Variants in PAPOLA observed in about 807,000 individuals in gnomAD.
PAPOLA encodes the protein poly(A) polymerase alpha.
Under a neutral mutation model 100.6 loss-of-function variants are expected in PAPOLA, and 15 were observed. That is an observed-to-expected ratio of 0.15 (90% confidence interval 0.10 to 0.23). The LOEUF (loss-of-function observed/expected upper bound fraction) is 0.23. Ranked by LOEUF, PAPOLA falls within the 10% of genes least tolerant of loss-of-function variation. PAPOLA has a pLI of 1.00. For missense variants in PAPOLA, 533 were observed against 884.2 expected (o/e 0.60, Z 5.04); for synonymous variants, 293 against 300.0 (o/e 0.98, Z 0.24).
chr14:96,537,611 TTAATGGTTTAAATA>T (rs1185277352), intron 12 of PAPOLA: 1 of 153,436 alleles, frequency 6.5e-6, no homozygotes, highest in African/African-American at 2.4e-5. Flanking sequence ...ATCATTTTAA[TTAATGGTTTAAATA>T]TAATGGTTTA....
intron 19 of PAPOLA, among the ~76,000 whole-genome samples, chr14:96,560,025 T>A (rs1421650595): frequency 6.6e-6 from 1 of 152,136 alleles, no homozygotes; most frequent in African/African-American, 2.4e-5. Context: ...CTGTATTAAA[T>A]CTCTTCTAAG....
intron 1 of PAPOLA, among the ~76,000 whole-genome samples, chr14:96,507,250 T>G (rs1395085504): frequency 6.6e-6 from 1 of 151,874 alleles, no homozygotes; most frequent in African/African-American, 2.4e-5. Context: ...AAGCATGCCA[T>G]TCTTACTAAA....
chr14:96,528,948 T>TATA (rs1389045990), intron 6 of PAPOLA, among the ~76,000 whole-genome samples: 1 of 152,178 alleles, frequency 6.6e-6, no homozygotes, highest in Non-Finnish European at 1.5e-5. Context: ...TAATATAAAG[T>TATA]ATAAGTTGAG....
chr14:96,559,523 C>T (rs1266939056), intron 19 of PAPOLA, among the ~76,000 whole-genome samples: 1 of 147,830 alleles, frequency 6.8e-6, no homozygotes. Flanking sequence ...AATGTTTGCT[C>T]TATTTCCTGG....
intron 19 of PAPOLA, among the ~76,000 whole-genome samples, chr14:96,559,016 AT>A (rs753986932): frequency 0.012 from 1,525 of 131,182 alleles, 13 homozygotes; most frequent in African/African-American, 0.022. Flanking sequence ...TTTCCCTGTA[AT>A]TTTTTTTTTT....
chr14:96,544,302 A>G (rs762629806), intron 15 of PAPOLA, 44 bp downstream of exon 15: 3 of 935,992 alleles, frequency 3.2e-6, no homozygotes, highest in Non-Finnish European at 5.2e-6. Context: ...GTTCTTGCAT[A>G]TTTCAAATTG....
rs1180380908 is a variant in PAPOLA at position 96,566,836 on chromosome 14, A to G, written c.*1786A>G. ...TTTAGTCTTGTCATTTTGTTTACAC[A>G]TTGGGGAAAACAATTCAGTTTATTA... On this transcript the variant is annotated 3_prime_UTR_variant, in exon 22 of 22. Coordinates refer to ENST00000216277, the MANE Select transcript of PAPOLA (RefSeq NM_032632.5). 6.6e-6 allele frequency: 1 copy of G among 152,592 alleles called. No homozygotes were observed. Among genetic ancestry groups the G allele is most frequent in the African/African-American group, 2.4e-5 (1 of 41,464 alleles). 9.5% of individuals were successfully genotyped at this position (152,592 alleles called of 1,614,324 possible).
chr14:96,534,271 G>C (rs1899327629), intron 9 of PAPOLA: 2 of 1,345,406 alleles, frequency 1.5e-6, no homozygotes, highest in African/African-American at 1.5e-5. Context: ...AACGTTTTTG[G>C]TTTCAGTCTG....
In PAPOLA at chr14:96,535,792, CAT is replaced by C. The variant is rs928989203; in HGVS notation, c.910-86_910-85del. 1.2e-4 allele frequency: 132 copies of C among 1,128,652 alleles called. No individual in the cohort carries two copies. The East Asian group carries it at 3.5e-3, about 30-fold the overall frequency. The allele number at this position is 1,128,652 out of a possible 1,614,324, so 69.9% of individuals were successfully genotyped here. On this transcript the variant is annotated intron_variant, in intron 10 of 21. Coordinates refer to ENST00000216277, the MANE Select transcript of PAPOLA (RefSeq NM_032632.5). ...CTATGAATGAAATAAAAAATAGAATCATTGGTTCAGTTTAACAAGGGGTAAAA... is the reference window on the plus strand; with the variant it reads ...CTATGAATGAAATAAAAAATAGAATCTGGTTCAGTTTAACAAGGGGTAAAA...
intron 21 of PAPOLA, among the ~76,000 whole-genome samples, chr14:96,564,417 C>T (rs970220228): frequency 6.6e-4 from 101 of 151,926 alleles, no homozygotes; most frequent in African/African-American, 2.2e-3. Flanking sequence ...TGTTAAAGAA[C>T]GCTTGTGATT....
chr14:96,509,650 A>C (rs1310418527), intron 1 of PAPOLA, among the ~76,000 whole-genome samples: 1 of 152,216 alleles, frequency 6.6e-6, no homozygotes, highest in Non-Finnish European at 1.5e-5. Flanking sequence ...CACCAATGAT[A>C]TGGCCTGTTG....
chr14:96,566,934 A>G lies in PAPOLA; in HGVS notation c.*1884A>G, dbSNP rs1388691966. On this transcript the variant is annotated 3_prime_UTR_variant, in exon 22 of 22. Transcript: ENST00000216277. ...ACCTTTTCTGTGTAGTGACTTTTTAATTATAGTTTTCATAACCTGGAGATC... is the reference window on the plus strand; with the variant it reads ...ACCTTTTCTGTGTAGTGACTTTTTAGTTATAGTTTTCATAACCTGGAGATC... 1.3e-5 allele frequency: 2 copies of G among 152,530 alleles called. No homozygotes were observed. The highest frequency in any genetic ancestry group is 4.1e-4 in the South Asian group (2 of 4,832). 9.4% of individuals were successfully genotyped at this position (152,530 alleles called of 1,614,324 possible). A position where few individuals can be genotyped will look rare whatever the true frequency, so the allele number is the denominator to read the frequency against.
chr14:96,522,108 C>CTTTTTTTTTTTTTT, intron 3 of PAPOLA, among the ~76,000 whole-genome samples: 2 of 98,336 alleles, frequency 2.0e-5, no homozygotes, highest in South Asian at 8.0e-4. Context: ...TAGCCTCTTT[C>CTTTTTTTTTTTTTT]TTTCTTTCTT....
intron 9 of PAPOLA, chr14:96,533,700 G>A (rs996500874): frequency 6.3e-6 from 2 of 317,972 alleles, no homozygotes; most frequent in Non-Finnish European, 4.5e-6. Flanking sequence ...GACTACAAGC[G>A]CCTGCCACCA....
chr14:96,544,071 T>C (rs907771327), intron 14 of PAPOLA, 78 bp from the exon 15 acceptor site: 6 of 783,858 alleles, frequency 7.7e-6, no homozygotes, highest in Non-Finnish European at 1.3e-5. Context: ...AGTTTTTCCA[T>C]GTCTCTGATT....
rs2140337762 is a variant in PAPOLA at position 96,560,706 on chromosome 14, G to A, written c.2062G>A (p.Ala688Thr). Residue 688 changes from alanine to threonine, a missense_variant, in exon 20 of 22, where the codon GCA becomes ACA. Ala to Thr is a moderately conservative substitution (Grantham distance 58). Transcript: ENST00000216277. ...LALSGHDKTEAKEQLDTETST... is the reference protein window; with the variant it reads ...LALSGHDKTETKEQLDTETST... ...TTTGAGTGGACATGATAAAACAGAA[G>A]CAAAGGTATACTAATTTAGCCTTTA... is the stretch of plus-strand genomic sequence containing the variant. 1 of 1,580,652 alleles carries A rather than the reference G, an allele frequency of 6.3e-7. No individual in the cohort carries two copies. Among genetic ancestry groups the A allele is most frequent in the Non-Finnish European group, 8.7e-7 (1 of 1,150,790 alleles).
At chr14:96,509,927 C>G (rs546996855) in intron 1 of PAPOLA, among the ~76,000 whole-genome samples, 2 of 148,168 alleles carry the variant, frequency 1.3e-5, no homozygotes, top group Non-Finnish European at 3.0e-5. Context: ...GCCACTTAGA[C>G]GCCGCTTTGT....
intron 1 of PAPOLA, among the ~76,000 whole-genome samples, chr14:96,506,145 C>T (rs569063236): frequency 1.3e-5 from 2 of 152,106 alleles, no homozygotes; most frequent in Non-Finnish European, 2.9e-5. Flanking sequence ...CTCGTGATCC[C>T]CCCCCACCTC....
intron 19 of PAPOLA, among the ~76,000 whole-genome samples, chr14:96,557,424 A>G (rs896460934): frequency 1.3e-5 from 2 of 152,182 alleles, no homozygotes; most frequent in African/African-American, 2.4e-5. Context: ...AAAACTGTAC[A>G]TTGATTTCGT....
Sources: gnomAD v4.1 joint callset for allele counts (sites outside exome capture counted in the v4.1 genomes callset) on GRCh38, gnomAD v4.1.1 for gene constraint, MANE v1.5 for transcripts, NCBI Gene and HGNC (gene_info 2026-07-23, HGNC 2026-07-21) for gene names.